Variants in TAFA2 observed in about 807,000 individuals in gnomAD.
TAFA2 encodes chemokine-like protein TAFA-2.
A neutral mutation model predicts 18.8 loss-of-function variants in TAFA2; 7 were observed. The ratio of observed to expected loss-of-function variants is 0.37; its 90% confidence interval spans 0.21 to 0.70. The LOEUF (loss-of-function observed/expected upper bound fraction) is 0.70, where lower values mean the gene tolerates loss of function less well. Among genes scored for constraint, TAFA2 ranks in the 30% least tolerant of loss-of-function variants. The pLI is 0.53. For missense variants in TAFA2, 122 were observed against 158.1 expected (o/e 0.77, Z 1.23); for synonymous variants, 60 against 54.2 (o/e 1.11, Z -0.47).
intron 1 of TAFA2, among the ~76,000 whole-genome samples, chr12:62,246,003 T>C (rs2062884017): frequency 6.6e-6 from 1 of 151,142 alleles, no homozygotes; most frequent in Admixed American, 6.6e-5. Flanking sequence ...TTTTTTTTTT[T>C]TGAGACGGAG....
At chr12:62,039,093 C>T (rs1404410311) in intron 1 of TAFA2, among the ~76,000 whole-genome samples, 1 of 152,174 alleles carries the variant, frequency 6.6e-6, no homozygotes, top group Non-Finnish European at 1.5e-5. Flanking sequence ...GACCCTCTCA[C>T]TGGATTTGAG....
At chr12:61,774,918 T>C (rs1870190975) in intron 2 of TAFA2, among the ~76,000 whole-genome samples, 1 of 151,814 alleles carries the variant, frequency 6.6e-6, no homozygotes, top group Non-Finnish European at 1.5e-5. Flanking sequence ...TTGTAAAAGA[T>C]ATATCTGAAA....
intron 1 of TAFA2, among the ~76,000 whole-genome samples, chr12:62,112,347 G>A (rs1869771251): frequency 6.6e-6 from 1 of 152,196 alleles, no homozygotes; most frequent in African/African-American, 2.4e-5. Context: ...GGTTTCTGCA[G>A]AGAGATCTGC....
At chr12:62,221,216 G>GGGAAGGAGGGAAGGAAGGAAGGAGGGAA (rs1565782383) in intron 1 of TAFA2, among the ~76,000 whole-genome samples, 1 of 78,820 alleles carries the variant, frequency 1.3e-5, no homozygotes, top group Non-Finnish European at 2.5e-5. Context: ...GAAGGAAGGG[G>GGGAAGGAGGGAAGGAAGGAAGGAGGGAA]GGAAGGAAGG....
At chr12:62,244,099 TTTTC>T (rs2062874149) in intron 1 of TAFA2, among the ~76,000 whole-genome samples, 1 of 151,932 alleles carries the variant, frequency 6.6e-6, no homozygotes, top group Admixed American at 6.6e-5. Flanking sequence ...CTTTTTTTTT[TTTTC>T]TATCAGGAAT....
intron 1 of TAFA2, among the ~76,000 whole-genome samples, chr12:61,904,777 A>C (rs987789930): frequency 1.3e-5 from 2 of 152,198 alleles, no homozygotes; most frequent in Non-Finnish European, 2.9e-5. Context: ...CTGGAAAAAA[A>C]TCATACTCTA....
chr12:61,721,719 G>A (rs572164506), intron 4 of TAFA2, among the ~76,000 whole-genome samples: 1 of 152,304 alleles, frequency 6.6e-6, no homozygotes, highest in East Asian at 1.9e-4. Flanking sequence ...ACTTTGGGAG[G>A]CCAACGCGGG....
chr12:62,085,953 A>G (rs1389341984), intron 1 of TAFA2, among the ~76,000 whole-genome samples: 1 of 151,580 alleles, frequency 6.6e-6, no homozygotes, highest in East Asian at 1.9e-4. Context: ...GCACTTCCCT[A>G]CTCACTCTTT....
At chr12:62,188,510 G>A (rs1162156202) in intron 1 of TAFA2, among the ~76,000 whole-genome samples, 1 of 152,144 alleles carries the variant, frequency 6.6e-6, no homozygotes, top group African/African-American at 2.4e-5. Context: ...AGTGATTGCT[G>A]AACTTTGGTG....
intron 1 of TAFA2, among the ~76,000 whole-genome samples, chr12:62,085,200 A>C (rs540556896): frequency 2.6e-4 from 40 of 152,344 alleles, no homozygotes; most frequent in African/African-American, 9.6e-4. Flanking sequence ...AACTAGCCAA[A>C]GTCACAGGGA....
chr12:61,841,734 A>C (rs11608376), intron 2 of TAFA2, among the ~76,000 whole-genome samples: 1 of 151,896 alleles, frequency 6.6e-6, no homozygotes, highest in Non-Finnish European at 1.5e-5. Flanking sequence ...CAAAATAGAA[A>C]AGGGAATTTT....
At chr12:62,258,688 AT>A in intron 1 of TAFA2, 1 of 311,984 alleles carries the variant, frequency 3.2e-6, no homozygotes, top group Non-Finnish European at 6.5e-6. Flanking sequence ...GGTAGGTATT[AT>A]TATACTCAAT....
intron 1 of TAFA2, among the ~76,000 whole-genome samples, chr12:62,118,256 AT>A (rs1870045153): frequency 6.6e-6 from 1 of 152,184 alleles, no homozygotes; most frequent in Middle Eastern, 3.4e-3. Context: ...AGAACTTGCT[AT>A]TTTTGTGCAG....
intron 4 of TAFA2, among the ~76,000 whole-genome samples, chr12:61,731,074 T>A (rs1264649568): frequency 1.3e-5 from 2 of 152,110 alleles, no homozygotes; most frequent in Non-Finnish European, 2.9e-5. Flanking sequence ...AAGTCAGAAA[T>A]GGCTTCCCTG....
At chr12:62,067,600 C>T (rs1024647229) in intron 1 of TAFA2, among the ~76,000 whole-genome samples, 48 of 151,900 alleles carry the variant, frequency 3.2e-4, no homozygotes, top group African/African-American at 1.1e-3. Flanking sequence ...TTCTTGGCAC[C>T]TCTGTCAAAA....
intron 1 of TAFA2, among the ~76,000 whole-genome samples, chr12:61,872,913 T>G (rs1182723698): frequency 6.6e-6 from 1 of 152,190 alleles, no homozygotes; most frequent in Non-Finnish European, 1.5e-5. Context: ...CTCTATTTAT[T>G]CTAATCTAAA....
chr12:62,106,207 G>A (rs1041205923), intron 1 of TAFA2, among the ~76,000 whole-genome samples: 2 of 151,808 alleles, frequency 1.3e-5, no homozygotes, highest in African/African-American at 2.4e-5. Flanking sequence ...GGTGGTGGGC[G>A]CCTGTAATCC....
chr12:61,747,215 ACAGGTG>A (rs1868758685), intron 4 of TAFA2, among the ~76,000 whole-genome samples: 1 of 151,302 alleles, frequency 6.6e-6, no homozygotes, highest in African/African-American at 2.4e-5. Context: ...TCAGGAAACA[ACAGGTG>A]CTGGAGAGGA....
At chr12:62,133,120 C>A (rs34320621) in intron 1 of TAFA2, among the ~76,000 whole-genome samples, 36,030 of 151,862 alleles carry the variant, frequency 0.24, 4,366 homozygotes, top group East Asian at 0.32. Context: ...CAGGCACCCC[C>A]AGCATTGTCA....
Sources: allele counts gnomAD v4.1 joint callset (sites outside exome capture counted in the v4.1 genomes callset), GRCh38; gene constraint gnomAD v4.1.1; transcripts MANE v1.5; gene names NCBI Gene and HGNC (gene_info 2026-07-23, HGNC 2026-07-21).